Variants in FBXL7 observed in about 807,000 individuals in gnomAD.
FBXL7 encodes F-box and leucine rich repeat protein 7.
In FBXL7, 12 loss-of-function variants were observed where a neutral mutation model predicts 38.3. That is an observed-to-expected ratio of 0.31 (90% CI 0.20 to 0.51). The LOEUF (loss-of-function observed/expected upper bound fraction) is 0.51. Ranked by LOEUF, FBXL7 falls within the 20% of genes least tolerant of loss-of-function variation. The pLI is 0.98. For synonymous variants in FBXL7, 297 were observed against 300.9 expected, an observed-to-expected ratio of 0.99 and a Z score of 0.13; for missense variants, 567 against 676.4, an observed-to-expected ratio of 0.84 and a Z score of 1.79.
At chr5:15,733,729 GAAAC>G (rs2063706713) in intron 2 of FBXL7, among the ~76,000 whole-genome samples, 1 of 152,314 alleles carries the variant, frequency 6.6e-6, no homozygotes, top group Non-Finnish European at 1.5e-5. Context: ...TAAACTAAAA[GAAAC>G]AAGCTTTGTG....
At chr5:15,636,869 G>T (rs1741202330) in intron 2 of FBXL7, among the ~76,000 whole-genome samples, 3 of 152,140 alleles carry the variant, frequency 2.0e-5, no homozygotes, top group South Asian at 4.1e-4. Context: ...ACAGTAAAAT[G>T]ATCTGATACA....
chr5:15,647,979 C>T (rs1293449120), intron 2 of FBXL7, among the ~76,000 whole-genome samples: 1 of 152,210 alleles, frequency 6.6e-6, no homozygotes, highest in African/African-American at 2.4e-5. Flanking sequence ...CCAGTAGGCA[C>T]TGGAATGCTC....
rs190008333 is a variant in FBXL7 at position 15,869,608 on chromosome 5, A to G, written c.128-58282A>G. 9.2e-4 allele frequency among the ~76,000 whole-genome samples: 140 copies of G among 152,212 alleles called. 1 individual carries two copies. Among genetic ancestry groups the G allele is most frequent in the Admixed American group, 9.1e-3 (139 of 15,290 alleles). Reference sequence around the variant, plus strand: ...GCAGATCCCTAAGCAGGATTTAGGGATCCCTAAATAGAGATTTTTATATGT... The same window carrying G: ...GCAGATCCCTAAGCAGGATTTAGGGGTCCCTAAATAGAGATTTTTATATGT... On this transcript the variant is annotated intron_variant, in intron 2 of 3. Transcript: ENST00000504595.
At chr5:15,576,582 G>A (rs890825439) in intron 1 of FBXL7, among the ~76,000 whole-genome samples, 13 of 152,164 alleles carry the variant, frequency 8.5e-5, no homozygotes, top group African/African-American at 2.7e-4. Flanking sequence ...TGTTGTTACT[G>A]CTCAGCATAT....
intron 2 of FBXL7, among the ~76,000 whole-genome samples, chr5:15,781,837 T>A (rs956553116): frequency 2.8e-4 from 42 of 152,238 alleles, no homozygotes; most frequent in African/African-American, 7.0e-4. Flanking sequence ...TCAACTTTTT[T>A]AAAAAATATA....
intron 1 of FBXL7, among the ~76,000 whole-genome samples, chr5:15,546,095 GATAC>G (rs1737884565): frequency 6.6e-6 from 1 of 152,192 alleles, no homozygotes; most frequent in Non-Finnish European, 1.5e-5. Flanking sequence ...TATATTAAAT[GATAC>G]ATATTATAAT....
At chr5:15,768,696 G>C (rs371494325) in intron 2 of FBXL7, among the ~76,000 whole-genome samples, 2 of 152,182 alleles carry the variant, frequency 1.3e-5, no homozygotes, top group Non-Finnish European at 2.9e-5. Flanking sequence ...AGTACACACA[G>C]AGCGTGGTCC....
At chr5:15,808,062 A>C (rs1360811433) in intron 2 of FBXL7, among the ~76,000 whole-genome samples, 2 of 152,038 alleles carry the variant, frequency 1.3e-5, no homozygotes, top group African/African-American at 4.8e-5. Flanking sequence ...CTGCCTTTCC[A>C]GGTCTGTCAG....
At chr5:15,885,334 A>G (rs937620257) in intron 2 of FBXL7, among the ~76,000 whole-genome samples, 6 of 152,232 alleles carry the variant, frequency 3.9e-5, no homozygotes, top group Non-Finnish European at 8.8e-5. Context: ...GATGAAACCA[A>G]GAAGGAAGTA....
chr5:15,692,206 C>T (rs994105628), intron 2 of FBXL7, among the ~76,000 whole-genome samples: 4 of 152,144 alleles, frequency 2.6e-5, no homozygotes, highest in Non-Finnish European at 4.4e-5. Flanking sequence ...GTTTCCTGCT[C>T]TGTAAAATGG....
At chr5:15,565,578 A>G (rs1294686366) in intron 1 of FBXL7, among the ~76,000 whole-genome samples, 1 of 151,620 alleles carries the variant, frequency 6.6e-6, no homozygotes, top group Non-Finnish European at 1.5e-5. Context: ...ACTTCTTACA[A>G]TAAATCTTGC....
At chr5:15,626,719 A>G (rs1158862366) in intron 2 of FBXL7, among the ~76,000 whole-genome samples, 1 of 152,160 alleles carries the variant, frequency 6.6e-6, no homozygotes, top group African/African-American at 2.4e-5. Flanking sequence ...TTCTATGTTT[A>G]TTTCTTTCAC....
intron 2 of FBXL7, among the ~76,000 whole-genome samples, chr5:15,731,039 A>G (rs1735569913): frequency 6.6e-6 from 1 of 152,180 alleles, no homozygotes; most frequent in Non-Finnish European, 1.5e-5. Flanking sequence ...TTTTACTGCA[A>G]CTGGGAGGGC....
At chr5:15,580,544 C>A in intron 1 of FBXL7, 3 of 844,412 alleles carry the variant, frequency 3.6e-6, no homozygotes, top group Non-Finnish European at 4.3e-6. Flanking sequence ...CCTGGATAAG[C>A]AAACCAAGAA....
intron 2 of FBXL7, among the ~76,000 whole-genome samples, chr5:15,834,042 A>G (rs560511387): frequency 3.3e-5 from 5 of 152,350 alleles, no homozygotes; most frequent in South Asian, 2.1e-4. Context: ...ATGTTGAACT[A>G]TAGAGCCATC....
At chr5:15,526,619 C>T (rs1737258204) in intron 1 of FBXL7, among the ~76,000 whole-genome samples, 1 of 152,128 alleles carries the variant, frequency 6.6e-6, no homozygotes, top group African/African-American at 2.4e-5. Flanking sequence ...CAAGTGCTTG[C>T]TGTTCCGCTA....
chr5:15,878,347 T>C (rs1740298553), intron 2 of FBXL7, among the ~76,000 whole-genome samples: 1 of 152,200 alleles, frequency 6.6e-6, no homozygotes, highest in Non-Finnish European at 1.5e-5. Flanking sequence ...CTCAAAGTGA[T>C]GCCCTACAAA....
intron 2 of FBXL7, among the ~76,000 whole-genome samples, chr5:15,647,781 G>A (rs1049342727): frequency 1.3e-5 from 2 of 152,178 alleles, no homozygotes; most frequent in Non-Finnish European, 2.9e-5. Flanking sequence ...GTATTTCTTT[G>A]TCTTTACTAC....
chr5:15,708,861 G>A (rs1031945351), intron 2 of FBXL7, among the ~76,000 whole-genome samples: 1 of 152,164 alleles, frequency 6.6e-6, no homozygotes, highest in African/African-American at 2.4e-5. Flanking sequence ...TACAGTATTG[G>A]AATATTTGAA....
Sources: allele counts gnomAD v4.1 joint callset (sites outside exome capture counted in the v4.1 genomes callset), GRCh38; gene constraint gnomAD v4.1.1; transcripts MANE v1.5; gene names NCBI Gene and HGNC (gene_info 2026-07-23, HGNC 2026-07-21).